The following UBE2F variants were observed in gnomAD, a reference collection of about 807,000 sequenced individuals.
UBE2F encodes NEDD8-conjugating enzyme UBE2F.
Under a neutral mutation model 29.6 loss-of-function variants are expected in UBE2F, and 5 were observed. The ratio of observed to expected loss-of-function variants is 0.17; its 90% CI spans 0.09 to 0.36. The LOEUF (loss-of-function observed/expected upper bound fraction) is 0.36, where lower values mean the gene tolerates loss of function less well. Among genes scored for constraint, UBE2F ranks in the 10% least tolerant of loss-of-function variants. The pLI, the probability that UBE2F is intolerant of heterozygous loss-of-function variation, is 1.00. For missense variants in UBE2F, 141 were observed against 228.5 expected (o/e 0.62, Z 2.47); for synonymous variants, 66 against 81.8 (o/e 0.81, Z 1.04).
At chr2:237,988,091 C>A in intron 3 of UBE2F, 99 bp downstream of exon 3, 1 of 670,456 alleles carries the variant, frequency 1.5e-6, no homozygotes, top group Non-Finnish European at 2.4e-6. Flanking sequence ...GCCTATTTTT[C>A]ATGTATGTTA....
chr2:237,973,655 G>A, intron 2 of UBE2F: 1 of 1,302,954 alleles, frequency 7.7e-7, no homozygotes, highest in South Asian at 1.2e-5. Context: ...TCAGGTCAAA[G>A]CCTACGGCGA....
chr2:238,016,323 G>A lies in UBE2F; in HGVS notation c.215-243G>A, dbSNP rs141787409. ...AGGATGTCCCTTCCCTTCCCTGAGG[G>A]TGTGCTCAGCCCCCTGAGAAGACAG... On this transcript the variant is annotated intron_variant, in intron 4 of 9. Transcript: ENST00000272930. Among the ~76,000 whole-genome samples the A allele has an allele frequency of 1.1e-3, 163 of 152,236 alleles. 4 individuals are homozygous for A. In the East Asian group the frequency reaches 0.031, roughly 29 times the overall value.
At chr2:238,021,891 C>G (rs2064302617) in intron 5 of UBE2F, among the ~76,000 whole-genome samples, 1 of 152,208 alleles carries the variant, frequency 6.6e-6, no homozygotes, top group Non-Finnish European at 1.5e-5. Flanking sequence ...GGGCATGCAT[C>G]TTATGTCTGT....
At chr2:237,999,782 T>C (rs926907824) in intron 4 of UBE2F, among the ~76,000 whole-genome samples, 1 of 151,804 alleles carries the variant, frequency 6.6e-6, no homozygotes. Context: ...ATAGTACTTA[T>C]TTTGAAATTC....
intron 5 of UBE2F, among the ~76,000 whole-genome samples, chr2:238,016,891 T>C (rs1455695632): frequency 2.6e-5 from 4 of 152,236 alleles, no homozygotes; most frequent in East Asian, 1.9e-4. Context: ...ATAACTCTTA[T>C]CTGTTACAGT....
At chr2:237,986,792 T>C (rs2063489655) in intron 2 of UBE2F, among the ~76,000 whole-genome samples, 1 of 152,256 alleles carries the variant, frequency 6.6e-6, no homozygotes, top group African/African-American at 2.4e-5. Context: ...TGGTGTTTTC[T>C]TGGTACCTGT....
intron 9 of UBE2F, among the ~76,000 whole-genome samples, chr2:238,038,476 C>A (rs1006486489): frequency 1.3e-5 from 2 of 152,250 alleles, no homozygotes; most frequent in African/African-American, 2.4e-5. Context: ...CCCTTGCAGG[C>A]ATTCATGGCG....
In UBE2F at chr2:238,025,482, G is replaced by C. The variant is rs1178916813; in HGVS notation, c.353+70G>C. 6.5e-6 allele frequency: 9 copies of C among 1,375,794 alleles called. No individual in the cohort carries two copies. The African/African-American group carries it at 1.1e-4, about 17-fold the overall frequency. 85.2% of individuals were successfully genotyped at this position (1,375,794 alleles called of 1,614,324 possible). A position where few individuals can be genotyped will look rare whatever the true frequency, so the allele number is the denominator to read the frequency against. On this transcript the variant is annotated intron_variant, in intron 6 of 9. Coordinates refer to ENST00000272930, the MANE Select transcript of UBE2F (RefSeq NM_080678.3). ...GTGCAAGCGTTGGGCTTTTAAACAT[G>C]TTGTCTCCTCTGAAAAGATTTTGAG...
rs745495745 is a variant in UBE2F at position 237,973,077 on chromosome 2, A to G, written c.-16-15A>G. ...AGACCTGGTCCTTAACCCTGCTTTC[A>G]TTGCTGTCTTTCAGGGTAAAGGCAG... On this transcript the variant is annotated splice_polypyrimidine_tract_variant and intron_variant, in intron 1 of 9. Transcript: ENST00000272930. The G allele has an allele frequency of 3.8e-6, 6 of 1,594,516 alleles. No homozygotes were observed. The highest frequency in any genetic ancestry group is 5.2e-6 in the Non-Finnish European group (6 of 1,164,900).
chr2:237,967,481 C>A lies in UBE2F; in HGVS notation c.-17+349C>A, dbSNP rs2063079986. ...TGGGCCGAGCGTGGCACAGACCTGG[C>A]CGCGCTCACGCCCCACTCGCGGGAT... On this transcript the variant is annotated intron_variant, in intron 1 of 9. Transcript: ENST00000272930. The surrounding 1 kb of genome is among the most constrained non-coding windows in gnomAD (Gnocchi z 6.3). 6.6e-6 allele frequency among the ~76,000 whole-genome samples: 1 copy of A among 152,090 alleles called. No homozygotes were observed. Among genetic ancestry groups the A allele is most frequent in the Non-Finnish European group, 1.5e-5 (1 of 67,984 alleles).
At chr2:238,026,728 G>A (rs1412659407) in intron 6 of UBE2F, among the ~76,000 whole-genome samples, 1 of 152,058 alleles carries the variant, frequency 6.6e-6, no homozygotes, top group Non-Finnish European at 1.5e-5. Flanking sequence ...CCACCGCGCC[G>A]GGCCGGATGC....
At position 237,972,099 on chromosome 2, in the gene UBE2F, T is replaced by C. The variant is rs557842875; in HGVS notation, c.-16-993T>C. Reference sequence around the variant, plus strand: ...ATGGGGTGGAAGCCACCAATGAACATAATCTACTTTGGGACATTAATTTTA... The same window carrying C: ...ATGGGGTGGAAGCCACCAATGAACACAATCTACTTTGGGACATTAATTTTA... On this transcript the variant is annotated intron_variant, in intron 1 of 9. Coordinates refer to ENST00000272930, the MANE Select transcript of UBE2F (RefSeq NM_080678.3). Among the ~76,000 whole-genome samples, 15 of 152,310 alleles carry C rather than the reference T, an allele frequency of 9.8e-5. 1 individual carries two copies. In the South Asian group the frequency reaches 3.1e-3, roughly 32 times the overall value.
At chr2:237,994,485 G>A (rs1180869632) in intron 3 of UBE2F, among the ~76,000 whole-genome samples, 1 of 152,156 alleles carries the variant, frequency 6.6e-6, no homozygotes, top group East Asian at 1.9e-4. Flanking sequence ...CCACTTAAAG[G>A]TTGAAGGAAA....
intron 2 of UBE2F, among the ~76,000 whole-genome samples, chr2:237,977,068 T>G (rs1416273461): frequency 6.6e-6 from 1 of 152,192 alleles, no homozygotes; most frequent in Non-Finnish European, 1.5e-5. Context: ...GAACTCACCC[T>G]GGAGCTCTCT....
intron 9 of UBE2F, among the ~76,000 whole-genome samples, chr2:238,038,909 C>G (rs929368335): frequency 3.9e-5 from 6 of 152,214 alleles, no homozygotes; most frequent in Non-Finnish European, 8.8e-5. Flanking sequence ...CCCTGTGGCG[C>G]ACACATTCCG....
chr2:237,995,598 T>C (rs1020642882), intron 4 of UBE2F, among the ~76,000 whole-genome samples: 1 of 152,210 alleles, frequency 6.6e-6, no homozygotes, highest in African/African-American at 2.4e-5. Context: ...CTGAGAATTA[T>C]TAGTCACTAG....
chr2:237,990,743 A>AGAGT (rs2063570719), intron 3 of UBE2F, among the ~76,000 whole-genome samples: 1 of 151,464 alleles, frequency 6.6e-6, no homozygotes, highest in Non-Finnish European at 1.5e-5. Flanking sequence ...CCTGGGCGAC[A>AGAGT]GAGTGAGACT....
At chr2:238,028,247 A>G (rs2064481059) in intron 6 of UBE2F, among the ~76,000 whole-genome samples, 1 of 152,218 alleles carries the variant, frequency 6.6e-6, no homozygotes, top group African/African-American at 2.4e-5. Context: ...CCCCAGCCAG[A>G]TGCAAAGCCC....
chr2:238,018,514 G>A (rs1209472049), intron 5 of UBE2F, among the ~76,000 whole-genome samples: 1 of 152,104 alleles, frequency 6.6e-6, no homozygotes, highest in Non-Finnish European at 1.5e-5. Context: ...TGTGCCAGGT[G>A]TCTTGACTCA....
Sources: allele counts gnomAD v4.1 joint callset (sites outside exome capture counted in the v4.1 genomes callset), GRCh38; gene constraint gnomAD v4.1.1; non-coding constraint Gnocchi (gnomAD v3.1); transcripts MANE v1.5; gene names NCBI Gene and HGNC (gene_info 2026-07-23, HGNC 2026-07-21).